Variants in EHBP1 observed in about 807,000 individuals in gnomAD.
EHBP1 encodes the protein EH domain-binding protein 1.
In EHBP1, 55 loss-of-function variants were observed where a neutral mutation model predicts 144.0. The observed-to-expected ratio is 0.38, with a 90% CI of 0.31 to 0.48. The LOEUF is 0.48. Ranked by LOEUF, EHBP1 falls within the 20% of genes least tolerant of loss-of-function variation. The pLI is 0.98. For missense variants in EHBP1, 1,200 were observed against 1,364.2 expected (o/e 0.88, Z 1.90); for synonymous variants, 469 against 472.7 (o/e 0.99, Z 0.10).
chr2:62,728,412 G>A (rs371314007), intron 2 of EHBP1, among the ~76,000 whole-genome samples: 1 of 152,154 alleles, frequency 6.6e-6, no homozygotes, highest in Non-Finnish European at 1.5e-5. Context: ...ACATCTGATT[G>A]TCTTTTTTAT....
intron 1 of EHBP1, among the ~76,000 whole-genome samples, chr2:62,678,110 G>A (rs780769742): frequency 1.2e-4 from 19 of 152,130 alleles, no homozygotes; most frequent in East Asian, 7.7e-4. Context: ...CAGCGTACCC[G>A]TTCCCTTTTC....
chr2:62,797,323 G>A (rs545771657), intron 5 of EHBP1, among the ~76,000 whole-genome samples: 72 of 152,090 alleles, frequency 4.7e-4, no homozygotes, highest in Non-Finnish European at 8.5e-4. Flanking sequence ...CCAGCCCCAC[G>A]GGCACCAGTT....
intron 21 of EHBP1, among the ~76,000 whole-genome samples, chr2:63,041,826 G>T (rs2061671259): frequency 6.6e-6 from 1 of 152,136 alleles, no homozygotes. Flanking sequence ...TCATCAAAGT[G>T]CCAGGCTTAT....
intron 14 of EHBP1, among the ~76,000 whole-genome samples, chr2:62,975,672 C>G (rs917665209): frequency 8.0e-6 from 1 of 124,874 alleles, no homozygotes; most frequent in Non-Finnish European, 2.0e-5. Context: ...TGACTTGAGC[C>G]TAGGAGTTTG....
intron 3 of EHBP1, 40 bp downstream of exon 3, chr2:62,747,492 A>T: frequency 6.8e-7 from 1 of 1,477,048 alleles, no homozygotes; most frequent in Non-Finnish European, 9.3e-7. Flanking sequence ...ATTGTTGAAT[A>T]CAAATTAGCA....
intron 9 of EHBP1, among the ~76,000 whole-genome samples, chr2:62,866,070 A>C (rs1303302238): frequency 6.6e-6 from 1 of 152,212 alleles, no homozygotes; most frequent in Non-Finnish European, 1.5e-5. Context: ...GCCCCAGACC[A>C]AGAATAATTT....
chr2:63,037,696 A>AT, intron 20 of EHBP1, 62 bp downstream of exon 20: 1 of 908,564 alleles, frequency 1.1e-6, no homozygotes, highest in Non-Finnish European at 1.7e-6. Context: ...GCCTCTTGTT[A>AT]TTGCCTTCTT....
intron 2 of EHBP1, among the ~76,000 whole-genome samples, chr2:62,715,743 A>G (rs897613316): frequency 1.1e-4 from 17 of 152,088 alleles, no homozygotes; most frequent in Non-Finnish European, 1.9e-4. Context: ...CAACTGGGGG[A>G]TGATGGGTAA....
chr2:62,695,991 G>A (rs1045326804), intron 1 of EHBP1, among the ~76,000 whole-genome samples: 7 of 152,066 alleles, frequency 4.6e-5, no homozygotes, highest in Non-Finnish European at 1.0e-4. Flanking sequence ...GGGATTACAG[G>A]CATGAGCCAC....
At chr2:62,947,913 A>G (rs2057156237) in intron 12 of EHBP1, among the ~76,000 whole-genome samples, 1 of 152,198 alleles carries the variant, frequency 6.6e-6, no homozygotes, top group Non-Finnish European at 1.5e-5. Context: ...ACTGTGGAAA[A>G]GAGAGGTTGA....
chr2:62,970,440 AAC>A (rs1264441964), intron 14 of EHBP1, among the ~76,000 whole-genome samples: 3 of 152,164 alleles, frequency 2.0e-5, no homozygotes, highest in African/African-American at 7.2e-5. Context: ...TTATGTTATA[AAC>A]ACAATTTTAC....
intron 10 of EHBP1, among the ~76,000 whole-genome samples, chr2:62,918,961 CT>C (rs966933328): frequency 6.6e-6 from 1 of 151,996 alleles, no homozygotes; most frequent in African/African-American, 2.4e-5. Context: ...CAGGAGAGCC[CT>C]TAGATAGTAA....
chr2:63,026,283 G>C (rs1424758380), intron 19 of EHBP1, among the ~76,000 whole-genome samples: 1 of 141,754 alleles, frequency 7.1e-6, no homozygotes, highest in Non-Finnish European at 1.5e-5. Flanking sequence ...TAATGAATAT[G>C]GCTCTCTACC....
intron 3 of EHBP1, among the ~76,000 whole-genome samples, chr2:62,758,806 G>A (rs1431107119): frequency 6.6e-6 from 1 of 152,168 alleles, no homozygotes; most frequent in African/African-American, 2.4e-5. Context: ...ATTTCAAGAA[G>A]GAGAGTACAG....
At chr2:62,921,262 A>G (rs936532685) in intron 10 of EHBP1, among the ~76,000 whole-genome samples, 6 of 152,090 alleles carry the variant, frequency 3.9e-5, no homozygotes, top group Non-Finnish European at 7.4e-5. Flanking sequence ...CCTGGGCAAC[A>G]TAGCGAAACC....
At chr2:62,688,688 T>C (rs6719613) in intron 1 of EHBP1, among the ~76,000 whole-genome samples, 2,568 of 146,114 alleles carry the variant, frequency 0.018, 72 homozygotes, top group African/African-American at 0.06. Flanking sequence ...TGAGATCAAC[T>C]TTTTTTTTTT....
chr2:62,761,215 G>T (rs937501982), intron 3 of EHBP1, among the ~76,000 whole-genome samples: 3 of 152,054 alleles, frequency 2.0e-5, no homozygotes, highest in African/African-American at 7.2e-5. Context: ...TTGTTTTAGG[G>T]CTGTCAACAG....
chr2:62,727,789 C>T (rs1344586348), intron 2 of EHBP1, among the ~76,000 whole-genome samples: 1 of 152,174 alleles, frequency 6.6e-6, no homozygotes. Flanking sequence ...AGATCACAGG[C>T]TCTTTGGCTC....
In EHBP1 at chr2:62,949,042, A is replaced by T; in HGVS notation, c.2196A>T (p.Ser732=). The T allele has an allele frequency of 6.2e-7, 1 of 1,613,756 alleles. No individual in the cohort carries two copies. ...SLSPTSKLGY[S]YSRDLDLAKK... is the part of the protein sequence containing the mutation. ...CTCCTACTTCTAAACTTGGATACTC[A>T]TATAGTAGAGATCTAGACCTTGCTA... is the stretch of plus-strand genomic sequence containing the variant. Residue 732 remains serine (S), a synonymous_variant, in exon 13 of 23, where the codon TCA becomes TCT. Transcript: ENST00000431489.
Sources: allele counts gnomAD v4.1 joint callset (sites outside exome capture counted in the v4.1 genomes callset), GRCh38; gene constraint gnomAD v4.1.1; transcripts MANE v1.5; gene names NCBI Gene and HGNC (gene_info 2026-07-23, HGNC 2026-07-21).